The following TTC27 variants were observed in gnomAD, a reference collection of about 807,000 sequenced individuals.
TTC27 encodes the protein tetratricopeptide repeat protein 27.
A neutral mutation model predicts 115.9 loss-of-function variants in TTC27; 79 were observed. The observed-to-expected ratio is 0.68, with a 90% CI of 0.57 to 0.82. The LOEUF is 0.82. Ranked by LOEUF, TTC27 falls within the 40% of genes least tolerant of loss-of-function variation. The probability of loss-of-function intolerance (pLI) is 0.00; values close to 1 mark genes in which losing one functional copy is unlikely to be tolerated. For missense variants in TTC27, 1,054 were observed against 993.1 expected (o/e 1.06, Z -0.82); for synonymous variants, 401 against 356.0 (o/e 1.13, Z -1.42).
chr2:32,746,482 G>A (rs1252579320), intron 12 of TTC27, among the ~76,000 whole-genome samples: 5 of 149,326 alleles, frequency 3.3e-5, no homozygotes, highest in Admixed American at 1.4e-4. Flanking sequence ...AGAATTGCTT[G>A]AACCTGGGAG....
chr2:32,638,465 G>T (rs981738583), intron 3 of TTC27, among the ~76,000 whole-genome samples: 2 of 151,994 alleles, frequency 1.3e-5, no homozygotes, highest in Admixed American at 1.3e-4. Flanking sequence ...TGTAACCTCC[G>T]CCTCCCAGGT....
Position 32,640,348 on chromosome 2 carries a change from A to G in TTC27, c.475A>G (p.Ile159Val), listed in dbSNP as rs746158792. ...ESIYSLTSKP[I>V]LLLLARIILV... Reference sequence around the variant, plus strand: ...AATCTACAGCCTGACCTCGAAGCCTATACTACTGTTATTAGCACGCATTAT... The same window carrying G: ...AATCTACAGCCTGACCTCGAAGCCTGTACTACTGTTATTAGCACGCATTAT... Residue 159 changes from isoleucine (I) to valine (V), a missense_variant, in exon 4 of 20, where the codon ATA (isoleucine) becomes GTA (valine). Transcript: ENST00000317907. The G allele has an allele frequency of 2.7e-5, 43 of 1,613,964 alleles. No individual in the cohort carries two copies. Among genetic ancestry groups the G allele is most frequent in the Non-Finnish European group, 3.5e-5 (41 of 1,179,998 alleles).
intron 9 of TTC27, among the ~76,000 whole-genome samples, chr2:32,696,966 A>G (rs566625244): frequency 3.9e-5 from 6 of 152,308 alleles, no homozygotes; most frequent in African/African-American, 7.2e-5. Flanking sequence ...TGGGAGGCCA[A>G]GGTGGGCTCA....
intron 10 of TTC27, among the ~76,000 whole-genome samples, chr2:32,707,850 G>T: frequency 6.6e-6 from 1 of 152,066 alleles, no homozygotes; most frequent in Non-Finnish European, 1.5e-5. Context: ...TCAACAAAGG[G>T]TAGCAGAGCT....
At chr2:32,816,947 G>T (rs2148052658) in intron 18 of TTC27, among the ~76,000 whole-genome samples, 3 of 152,230 alleles carry the variant, frequency 2.0e-5, no homozygotes, top group African/African-American at 7.2e-5. Flanking sequence ...TTGTCTCCTT[G>T]CCTAATTTTA....
intron 9 of TTC27, among the ~76,000 whole-genome samples, chr2:32,688,709 A>G (rs777261713): frequency 7.2e-5 from 11 of 152,122 alleles, no homozygotes; most frequent in Non-Finnish European, 1.5e-4. Context: ...CCACAACAAG[A>G]TACCACTGTA....
chr2:32,761,848 G>A (rs570440392), intron 13 of TTC27, among the ~76,000 whole-genome samples: 30 of 152,068 alleles, frequency 2.0e-4, no homozygotes, highest in Admixed American at 2.0e-3. Context: ...GCCTATTAAA[G>A]TGCCTTGTAC....
chr2:32,818,195 T>TG (rs1270089074), intron 19 of TTC27, among the ~76,000 whole-genome samples: 1 of 152,226 alleles, frequency 6.6e-6, no homozygotes, highest in Non-Finnish European at 1.5e-5. Flanking sequence ...GGTAAACTTC[T>TG]GGTTTAAATA....
chr2:32,809,044 T>C (rs1056787392), intron 16 of TTC27, among the ~76,000 whole-genome samples: 1 of 152,208 alleles, frequency 6.6e-6, no homozygotes, highest in Non-Finnish European at 1.5e-5. Context: ...ACAGAGATGA[T>C]GTACCTTGTC....
At chr2:32,816,836 A>G (rs1026560329) in intron 18 of TTC27, among the ~76,000 whole-genome samples, 1 of 152,200 alleles carries the variant, frequency 6.6e-6, no homozygotes, top group African/African-American at 2.4e-5. Flanking sequence ...TGTCATCAGC[A>G]GTTGTGAAGT....
In TTC27 at chr2:32,666,684, G is replaced by A. The variant is rs764664839; in HGVS notation, c.855G>A (p.Leu285=). Residue 285 remains leucine (L), a synonymous_variant, in exon 7 of 20, where the codon CTG becomes CTA. Transcript: ENST00000317907. ...TRFQENYVAQ[L]ILDVRREGDV... is the part of the protein sequence containing the mutation. The stretch of plus-strand genomic sequence containing the variant: ...TCCAGGAAAATTATGTGGCACAACT[G>A]ATTCTAGATGTAAGAAGGGAAGGGG... The A allele has an allele frequency of 3.1e-6, 5 of 1,613,894 alleles. No individual in the cohort carries two copies. The highest frequency in any genetic ancestry group is 1.7e-5 in the Admixed American group (1 of 59,992).
At chr2:32,807,277 A>G (rs1671163856) in intron 16 of TTC27, among the ~76,000 whole-genome samples, 1 of 152,210 alleles carries the variant, frequency 6.6e-6, no homozygotes, top group African/African-American at 2.4e-5. Context: ...AATAATAGTA[A>G]AAGGCTCATT....
At chr2:32,757,681 G>A (rs2147992797) in intron 12 of TTC27, among the ~76,000 whole-genome samples, 1 of 152,118 alleles carries the variant, frequency 6.6e-6, no homozygotes, top group South Asian at 2.1e-4. Context: ...ACAGTATAGT[G>A]TAAAAACAAC....
At chr2:32,751,258 CCACACACACA>C (rs56183534) in intron 12 of TTC27, among the ~76,000 whole-genome samples, 369 of 140,846 alleles carry the variant, frequency 2.6e-3, no homozygotes, top group Middle Eastern at 3.6e-3. Flanking sequence ...GTAGGTTAAA[CCACACACACA>C]CACACACACA....
At chr2:32,755,800 A>G (rs1669212889) in intron 12 of TTC27, among the ~76,000 whole-genome samples, 1 of 152,114 alleles carries the variant, frequency 6.6e-6, no homozygotes, top group African/African-American at 2.4e-5. Flanking sequence ...GACCTGGGGG[A>G]TTTAAAACAC....
chr2:32,672,368 A>G lies in TTC27; in HGVS notation c.1036A>G (p.Ile346Val). 2 of 1,613,248 alleles carry G rather than the reference A, an allele frequency of 1.2e-6. No individual in the cohort carries two copies. Among genetic ancestry groups the G allele is most frequent in the African/African-American group, 1.3e-5 (1 of 75,024 alleles). ...MPDLCAEEIA[I>V]ILGICTNFQK... ...GGATCTGTGTGCTGAAGAGATCGCT[A>G]TTATTCTTGGAATCTGGTGAGTTAA... Residue 346 changes from isoleucine to valine, a missense_variant, in exon 8 of 20, where the codon ATT (isoleucine) becomes GTT (valine). Ile to Val is a conservative substitution (Grantham distance 29). Coordinates refer to ENST00000317907, the MANE Select transcript of TTC27 (RefSeq NM_017735.5).
At chr2:32,682,465 G>A (rs566843889) in intron 9 of TTC27, among the ~76,000 whole-genome samples, 13 of 152,216 alleles carry the variant, frequency 8.5e-5, no homozygotes, top group African/African-American at 3.1e-4. Flanking sequence ...TTTCAAGCAG[G>A]CTAAATGGAT....
At chr2:32,693,301 A>G (rs1339222453) in intron 9 of TTC27, among the ~76,000 whole-genome samples, 1 of 152,212 alleles carries the variant, frequency 6.6e-6, no homozygotes, top group Non-Finnish European at 1.5e-5. Context: ...ATTTTAAGAC[A>G]GTGCTCATCA....
At chr2:32,819,056 G>C (rs975069449) in intron 19 of TTC27, among the ~76,000 whole-genome samples, 2 of 152,072 alleles carry the variant, frequency 1.3e-5, no homozygotes, top group Non-Finnish European at 2.9e-5. Flanking sequence ...TGGGAGCTTT[G>C]TTTCCTACTT....
Sources: allele counts gnomAD v4.1 joint callset (sites outside exome capture counted in the v4.1 genomes callset), GRCh38; gene constraint gnomAD v4.1.1; transcripts MANE v1.5; gene names NCBI Gene and HGNC (gene_info 2026-07-23, HGNC 2026-07-21).